DAOA: variants seen among roughly 807,000 people sequenced by gnomAD.
The protein encoded by DAOA is D-amino acid oxidase activator.
In DAOA, 15 loss-of-function variants were observed where a neutral mutation model predicts 16.4. The ratio of observed to expected loss-of-function variants is 0.91; its 90% CI spans 0.61 to 1.41. DAOA has a LOEUF of 1.41. Ranked by LOEUF, DAOA falls within the 40% of genes most tolerant of loss-of-function variation. The pLI is 0.00. For synonymous variants in DAOA, 75 were observed against 59.1 expected (o/e 1.27, Z -1.23); for missense variants, 230 against 176.8 (o/e 1.30, Z -1.71).
intron 3 of DAOA, among the ~76,000 whole-genome samples, chr13:105,468,790 T>C (rs1447831785): frequency 6.6e-6 from 1 of 152,230 alleles, no homozygotes; most frequent in Non-Finnish European, 1.5e-5. Flanking sequence ...CTTGGAACAC[T>C]ATTCCCTTCA....
intron 4 of DAOA, among the ~76,000 whole-genome samples, chr13:105,479,572 C>A (rs550141260): frequency 1.3e-5 from 2 of 152,248 alleles, no homozygotes; most frequent in Admixed American, 6.5e-5. Flanking sequence ...GGCTGACAGG[C>A]ACATCAGTCA....
intron 2 of DAOA, 71 bp downstream of exon 2, chr13:105,466,403 C>T (rs1020951222): frequency 1.2e-6 from 2 of 1,608,026 alleles, no homozygotes; most frequent in Non-Finnish European, 1.7e-6. Flanking sequence ...CAGCACAGAG[C>T]TCCCAGGGTG....
At chr13:105,488,432 T>G (rs573106152) in intron 4 of DAOA, among the ~76,000 whole-genome samples, 1 of 152,370 alleles carries the variant, frequency 6.6e-6, no homozygotes, top group Non-Finnish European at 1.5e-5. Flanking sequence ...ATGCTATTTG[T>G]AATTGGTACA....
At chr13:105,488,839 T>C (rs763362618) in intron 4 of DAOA, among the ~76,000 whole-genome samples, 1 of 152,234 alleles carries the variant, frequency 6.6e-6, no homozygotes, top group African/African-American at 2.4e-5. Context: ...TCAAATACTC[T>C]GATGGTAATC....
chr13:105,478,382 C>G (rs1261019705), intron 4 of DAOA, among the ~76,000 whole-genome samples: 1 of 152,146 alleles, frequency 6.6e-6, no homozygotes, highest in African/African-American at 2.4e-5. Context: ...GTGCTGAAAC[C>G]TGTACTAATT....
chr13:105,476,292 C>T (rs1253202321), intron 4 of DAOA, among the ~76,000 whole-genome samples: 6 of 151,892 alleles, frequency 4.0e-5, no homozygotes, highest in Admixed American at 3.3e-4. Context: ...TTTCCTTCTC[C>T]CTCTCAACTT....
upstream of DAOA, chr13:105,465,974 G>A (rs1275409092): frequency 1.1e-5 from 3 of 280,440 alleles, no homozygotes; most frequent in Non-Finnish European, 2.0e-5. Context: ...TATTGATCTT[G>A]AGTTAATTTC....
At chr13:105,488,519 G>A (rs1327327779) in intron 4 of DAOA, among the ~76,000 whole-genome samples, 11 of 152,080 alleles carry the variant, frequency 7.2e-5, no homozygotes, top group African/African-American at 2.7e-4. Context: ...ATATTTCAAA[G>A]AGCTTAAAAA....
chr13:105,485,404 G>A (rs116441305), intron 4 of DAOA, among the ~76,000 whole-genome samples: 2,546 of 152,198 alleles, frequency 0.017, 68 homozygotes, highest in African/African-American at 0.058. Flanking sequence ...AGTCAACCAC[G>A]ACTCTGCTTC....
At chr13:105,478,812 T>C (rs576490499) in intron 4 of DAOA, among the ~76,000 whole-genome samples, 29 of 152,358 alleles carry the variant, frequency 1.9e-4, no homozygotes, top group African/African-American at 6.5e-4. Flanking sequence ...TTTGTTTTGC[T>C]ATTTCATTAT....
At position 105,490,011 on chromosome 13, in the gene DAOA, C is replaced by T. The variant is rs956849335; in HGVS notation, c.392C>T (p.Thr131Ile). The stretch of plus-strand genomic sequence containing the variant: ...AGGCAGCCTCTAGAACGAATGTGGA[C>T]CTGCAACTACAACCAGCAAAAAGAC... ...DRRQPLERMW[T>I]CNYNQQKDQS... The change falls in exon 5 of 6, where the codon ACC becomes ATC. Residue 131 changes from threonine to isoleucine, a missense_variant. Thr to Ile is a moderately conservative substitution (Grantham distance 89). Coordinates refer to ENST00000375936, the MANE Select transcript of DAOA (RefSeq NM_172370.5). The T allele has an allele frequency of 3.7e-6, 6 of 1,611,480 alleles. No individual in the cohort carries two copies. Among genetic ancestry groups the T allele is most frequent in the Non-Finnish European group, 5.1e-6 (6 of 1,178,994 alleles).
intron 4 of DAOA, among the ~76,000 whole-genome samples, chr13:105,479,954 A>G (rs1252263227): frequency 3.3e-5 from 5 of 152,212 alleles, no homozygotes; most frequent in African/African-American, 1.2e-4. Flanking sequence ...GAAACAAAGC[A>G]AGATAAATCA....
intron 4 of DAOA, among the ~76,000 whole-genome samples, chr13:105,476,343 T>C (rs1209474538): frequency 1.3e-5 from 2 of 152,062 alleles, no homozygotes; most frequent in African/African-American, 4.8e-5. Context: ...TGTCTATGTT[T>C]TGACTTTTTA....
chr13:105,479,455 G>A (rs1044492519), intron 4 of DAOA, among the ~76,000 whole-genome samples: 1 of 152,126 alleles, frequency 6.6e-6, no homozygotes, highest in Non-Finnish European at 1.5e-5. Context: ...AGTTCTGGAG[G>A]GTAGAAGTCT....
At chr13:105,477,873 G>A (rs867812783) in intron 4 of DAOA, among the ~76,000 whole-genome samples, 5 of 152,012 alleles carry the variant, frequency 3.3e-5, no homozygotes, top group Admixed American at 1.3e-4. Flanking sequence ...TTTCCAAAAG[G>A]CATGATTCTA....
intron 4 of DAOA, among the ~76,000 whole-genome samples, chr13:105,475,376 A>C (rs1877258189): frequency 6.6e-6 from 1 of 152,160 alleles, no homozygotes; most frequent in Non-Finnish European, 1.5e-5. Flanking sequence ...GCTCAAGTGG[A>C]TTTATCAGGT....
chr13:105,475,322 G>C (rs1221854268), intron 4 of DAOA, among the ~76,000 whole-genome samples: 1 of 152,128 alleles, frequency 6.6e-6, no homozygotes, highest in Non-Finnish European at 1.5e-5. Flanking sequence ...TGTTCAAAAA[G>C]GAAGTGTTAT....
chr13:105,484,544 A>T (rs921543273), intron 4 of DAOA, among the ~76,000 whole-genome samples: 1 of 152,082 alleles, frequency 6.6e-6, no homozygotes, highest in Non-Finnish European at 1.5e-5. Flanking sequence ...ATTTTGTCAG[A>T]TTTATCTGGA....
chr13:105,467,230 T>G, intron 3 of DAOA, 89 bp downstream of exon 3: 1 of 1,343,694 alleles, frequency 7.4e-7, no homozygotes, highest in Non-Finnish European at 1.0e-6. Flanking sequence ...TTTGACATAT[T>G]TTCAAGCGTA....
Sources: gnomAD v4.1 joint callset for allele counts (sites outside exome capture counted in the v4.1 genomes callset) on GRCh38, gnomAD v4.1.1 for gene constraint, MANE v1.5 for transcripts, NCBI Gene and HGNC (gene_info 2026-07-23, HGNC 2026-07-21) for gene names.